PSD3: variants seen among roughly 807,000 people sequenced by gnomAD.
PSD3 encodes the protein PH and SEC7 domain-containing protein 3.
PSD3 carries 49 observed loss-of-function variants against 105.5 expected under a neutral mutation model. The ratio of observed to expected loss-of-function variants is 0.46; its 90% CI spans 0.37 to 0.59. The LOEUF (loss-of-function observed/expected upper bound fraction) is 0.59, where lower values mean the gene tolerates loss of function less well. Ranked by LOEUF, PSD3 falls within the 20% of genes least tolerant of loss-of-function variation. The pLI, the probability that PSD3 is intolerant of heterozygous loss-of-function variation, is 0.00. For synonymous variants in PSD3, 557 were observed against 457.8 expected, an observed-to-expected ratio of 1.22 and a Z score of -2.77; for missense variants, 1,561 against 1,263.8, an observed-to-expected ratio of 1.24 and a Z score of -3.57.
chr8:18,552,609 T>G (rs1023788821), intron 15 of PSD3, among the ~76,000 whole-genome samples: 1 of 152,216 alleles, frequency 6.6e-6, no homozygotes, highest in South Asian at 2.1e-4. Flanking sequence ...CCCAATATAC[T>G]AGAAGCACAG....
intron 9 of PSD3, among the ~76,000 whole-genome samples, chr8:18,755,357 G>A (rs1805935082): frequency 6.6e-6 from 1 of 152,018 alleles, no homozygotes; most frequent in Non-Finnish European, 1.5e-5. Context: ...CTGAACCTAG[G>A]AGGTAGAGGT....
At chr8:18,902,189 A>C (rs1586372303) in intron 2 of PSD3, among the ~76,000 whole-genome samples, 1 of 152,086 alleles carries the variant, frequency 6.6e-6, no homozygotes, top group South Asian at 2.1e-4. Context: ...CCATAACACA[A>C]ATATTTATTT....
At chr8:18,838,669 C>G (rs974680977) in intron 4 of PSD3, among the ~76,000 whole-genome samples, 2 of 151,520 alleles carry the variant, frequency 1.3e-5, no homozygotes, top group South Asian at 2.1e-4. Context: ...GGCGTGGTGG[C>G]GGGCACCTGT....
intron 2 of PSD3, among the ~76,000 whole-genome samples, chr8:18,913,999 C>T (rs1335269298): frequency 1.3e-5 from 2 of 152,062 alleles, no homozygotes; most frequent in Admixed American, 6.5e-5. Flanking sequence ...AAGCTCCGGG[C>T]CCATCAGAGT....
intron 4 of PSD3, among the ~76,000 whole-genome samples, chr8:18,838,610 G>A (rs1264675890): frequency 1.3e-5 from 2 of 151,764 alleles, no homozygotes; most frequent in African/African-American, 4.8e-5. Context: ...GACCATCCTG[G>A]TTCACATGGT....
intron 4 of PSD3, among the ~76,000 whole-genome samples, chr8:18,815,276 T>C (rs567991401): frequency 1.4e-4 from 21 of 152,236 alleles, no homozygotes; most frequent in Middle Eastern, 3.4e-3. Flanking sequence ...TCTCTATTGG[T>C]ATATTCTGCC....
chr8:18,872,105 G>A lies in PSD3; in HGVS notation c.759C>T (p.Leu253=), dbSNP rs756201865. The change falls in exon 3 of 16, where the codon CTC becomes CTT. Residue 253 remains leucine, a synonymous_variant. Transcript: ENST00000327040. ...AGTGGCAGGTCACTGCTGAGCTCCC[G>A]AGGGAGGCCAAAGGACAAGATGGCT... ...VQEPSCPLAS[L]GSSAVTCHSA... is the part of the protein sequence containing the mutation. 1.1e-5 allele frequency: 17 copies of A among 1,613,972 alleles called. No individual in the cohort carries two copies. Among genetic ancestry groups the A allele is most frequent in the East Asian group, 4.5e-5 (2 of 44,880 alleles).
chr8:18,557,959 A>C (rs916731254), intron 14 of PSD3, among the ~76,000 whole-genome samples: 1 of 152,232 alleles, frequency 6.6e-6, no homozygotes, highest in Admixed American at 6.5e-5. Flanking sequence ...AAATGAGGTC[A>C]TAAGAGTGGG....
In PSD3 at chr8:18,609,163, C is replaced by CAA. The variant is rs35052124; in HGVS notation, c.2411-8731_2411-8730dup. Among the ~76,000 whole-genome samples the CAA allele has an allele frequency of 1.4e-3, 220 of 151,870 alleles. 1 individual carries two copies. The highest frequency in any genetic ancestry group is 3.5e-3 in the Admixed American group (53 of 15,248). On this transcript the variant is annotated intron_variant, in intron 11 of 15. Transcript: ENST00000327040. ...TCTCCCATTGTTCCATGTAAAATGA[C>CAA]AAAAAAACCATTTTATTCCCCTCAG...
In PSD3 at chr8:18,716,701, AC is replaced by A. The variant is rs1802621682; in HGVS notation, c.2172+48747del. The stretch of plus-strand genomic sequence containing the variant: ...GCAGAGGAATAACATGTTCTGAATA[AC>A]CTTTCTTAATAGACCATTGTAGTTC... On this transcript the variant is annotated intron_variant, in intron 9 of 15. Transcript: ENST00000327040. 2.6e-5 allele frequency among the ~76,000 whole-genome samples: 4 copies of A among 152,168 alleles called. No individual in the cohort carries two copies. In the South Asian group the frequency reaches 8.3e-4, roughly 32 times the overall value.
intron 9 of PSD3, among the ~76,000 whole-genome samples, chr8:18,670,745 C>T (rs1429408857): frequency 5.3e-5 from 8 of 152,002 alleles, no homozygotes; most frequent in South Asian, 2.1e-4. Flanking sequence ...AACATTGTTA[C>T]GGTATGTTTC....
intron 1 of PSD3, among the ~76,000 whole-genome samples, chr8:18,943,005 T>C (rs1030213777): frequency 3.3e-5 from 5 of 152,130 alleles, no homozygotes; most frequent in African/African-American, 1.2e-4. Flanking sequence ...ACATGCAAAG[T>C]TGTAAAAGGA....
intron 11 of PSD3, among the ~76,000 whole-genome samples, chr8:18,621,941 T>C (rs1806146388): frequency 6.6e-6 from 1 of 152,226 alleles, no homozygotes; most frequent in African/African-American, 2.4e-5. Context: ...ATTTTCAGTA[T>C]GGATGACTCA....
intron 9 of PSD3, among the ~76,000 whole-genome samples, chr8:18,745,628 G>C (rs187597309): frequency 1.2e-3 from 184 of 152,308 alleles, no homozygotes; most frequent in African/African-American, 4.3e-3. Context: ...CTGGTGAACA[G>C]TATTTAGAAA....
rs61276817 is a variant in PSD3, at chr8:18,589,918, T to C, written c.2481+10446A>G. 3.8e-3 allele frequency among the ~76,000 whole-genome samples: 577 copies of C among 152,022 alleles called. 4 individuals carry two copies. Among genetic ancestry groups the C allele is most frequent in the African/African-American group, 0.013 (535 of 41,562 alleles). ...TGATGGTGATCCTTGCCTTCCGTTCTTACTTAAACATCTGTATTCCCTGCC... is the reference window on the plus strand; with the variant it reads ...TGATGGTGATCCTTGCCTTCCGTTCCTACTTAAACATCTGTATTCCCTGCC... On this transcript the variant is annotated intron_variant, in intron 12 of 15. Transcript: ENST00000327040.
chr8:18,846,541 G>T (rs1010503705), intron 4 of PSD3, among the ~76,000 whole-genome samples: 3 of 152,198 alleles, frequency 2.0e-5, no homozygotes, highest in African/African-American at 4.8e-5. Context: ...TCTCTGGGAG[G>T]TTGTATTCCT....
At chr8:18,727,024 T>C (rs564032467) in intron 9 of PSD3, among the ~76,000 whole-genome samples, 1 of 151,918 alleles carries the variant, frequency 6.6e-6, no homozygotes, top group South Asian at 2.1e-4. Context: ...CAAAACCCCA[T>C]CTCTACTAAA....
intron 4 of PSD3, among the ~76,000 whole-genome samples, chr8:18,839,545 C>T (rs531210228): frequency 1.3e-5 from 2 of 152,154 alleles, no homozygotes; most frequent in South Asian, 2.1e-4. Context: ...ATGATGGTTC[C>T]GGGCAGTCAC....
At chr8:18,954,070 G>A (rs1042156779) in intron 1 of PSD3, among the ~76,000 whole-genome samples, 2 of 152,078 alleles carry the variant, frequency 1.3e-5, no homozygotes, top group African/African-American at 4.8e-5. Context: ...TATTGGTACA[G>A]GCCATTTAAT....
Sources: gnomAD v4.1 joint callset for allele counts (sites outside exome capture counted in the v4.1 genomes callset) on GRCh38, gnomAD v4.1.1 for gene constraint, MANE v1.5 for transcripts, NCBI Gene and HGNC (gene_info 2026-07-23, HGNC 2026-07-21) for gene names.